Variants in ALPK2 observed in about 807,000 individuals in gnomAD.
The protein encoded by ALPK2 is alpha-protein kinase 2.
A neutral mutation model predicts 163.1 loss-of-function variants in ALPK2; 127 were observed. The ratio of observed to expected loss-of-function variants is 0.78; its 90% CI spans 0.67 to 0.90. ALPK2 has a LOEUF of 0.90. Ranked by LOEUF, ALPK2 falls within the 40% of genes least tolerant of loss-of-function variation. ALPK2 has a pLI of 0.00. For synonymous variants in ALPK2, 953 were observed against 959.1 expected, an observed-to-expected ratio of 0.99 and a Z score of 0.12; for missense variants, 2,360 against 2,589.6, an observed-to-expected ratio of 0.91 and a Z score of 1.92.
In ALPK2 at chr18:58,579,529, C is replaced by A. The variant is rs2051943816; in HGVS notation, c.1247G>T (p.Arg416Ile). The change falls in exon 4 of 13, where the codon AGA becomes ATA. Residue 416 changes from arginine to isoleucine, a missense_variant. By Grantham distance (97) the Arg-to-Ile change is moderately conservative (BLOSUM62 -3). Coordinates refer to ENST00000361673, the MANE Select transcript of ALPK2 (RefSeq NM_052947.4). The stretch of plus-strand genomic sequence containing the variant: ...GGATGAGGGACCGTGCTTGGAGACT[C>A]TGCTGCTCCTCACCCCAACTTCTTG... Reference protein sequence around the residue: ...QPQEVGVRSSRVSKHGPSSPQ... With the variant: ...QPQEVGVRSSIVSKHGPSSPQ... The A allele has an allele frequency of 6.2e-7, 1 of 1,613,704 alleles. No individual in the cohort carries two copies. The highest frequency in any genetic ancestry group is 1.7e-5 in the Admixed American group (1 of 59,984).
intron 1 of ALPK2, among the ~76,000 whole-genome samples, chr18:58,615,963 A>T (rs1184687886): frequency 6.6e-6 from 1 of 152,226 alleles, no homozygotes; most frequent in Non-Finnish European, 1.5e-5. Context: ...TGTACTCTGG[A>T]GAGGAAAAGG....
At chr18:58,620,071 G>A (rs987624935) in intron 1 of ALPK2, among the ~76,000 whole-genome samples, 3 of 152,250 alleles carry the variant, frequency 2.0e-5, no homozygotes, top group Non-Finnish European at 2.9e-5. Context: ...TGGGCAGATC[G>A]CCTGAGGTCA....
At chr18:58,596,552 C>A (rs908799654) in intron 3 of ALPK2, among the ~76,000 whole-genome samples, 2 of 152,226 alleles carry the variant, frequency 1.3e-5, no homozygotes, top group Admixed American at 1.3e-4. Flanking sequence ...TGACACCCTG[C>A]AGTTCAAATG....
At chr18:58,560,007 G>C (rs190799005) in intron 4 of ALPK2, among the ~76,000 whole-genome samples, 1 of 152,272 alleles carries the variant, frequency 6.6e-6, no homozygotes, top group East Asian at 1.9e-4. Context: ...CTACAATTAA[G>C]GTGTCAGGAG....
chr18:58,531,932 T>C (rs1287933316), intron 5 of ALPK2, among the ~76,000 whole-genome samples: 1 of 21,710 alleles, frequency 4.6e-5, no homozygotes, highest in Non-Finnish European at 8.7e-5. Flanking sequence ...CAAGGCTCCG[T>C]CTCAAAAAAA....
In ALPK2 at chr18:58,504,020, C is replaced by T. The variant is rs2051447326; in HGVS notation, c.6158G>A (p.Arg2053Lys). Residue 2053 changes from arginine (R) to lysine (K), a missense_variant, in exon 11 of 13, where the codon AGA becomes AAA. Coordinates refer to ENST00000361673, the MANE Select transcript of ALPK2 (RefSeq NM_052947.4). ...ACATTTCTGACCAGCTTCTGATTCT[C>T]TTCTCAAGAAGTTTATTTCTTTCCC... The part of the protein sequence containing the change: ...RDGKEINFLR[R>K]ESEAGQKCCT... The T allele has an allele frequency of 6.2e-7, 1 of 1,614,226 alleles. No individual in the cohort carries two copies. The highest frequency in any genetic ancestry group is 1.3e-5 in the African/African-American group (1 of 75,058).
intron 4 of ALPK2, among the ~76,000 whole-genome samples, chr18:58,573,226 G>GTATATATGTATATATGTATATATGTA (rs1346732511): frequency 7.2e-6 from 1 of 139,466 alleles, no homozygotes; most frequent in Non-Finnish European, 1.5e-5. Context: ...ATATATATGT[G>GTATATATGTATATATGTATATATGTA]TATATGTGTG....
chr18:58,596,789 T>C (rs141829015), intron 3 of ALPK2, among the ~76,000 whole-genome samples: 1 of 152,206 alleles, frequency 6.6e-6, no homozygotes, highest in East Asian at 1.9e-4. Flanking sequence ...AACCCCTGGA[T>C]GCGTTGTGTT....
intron 4 of ALPK2, among the ~76,000 whole-genome samples, chr18:58,551,955 T>C (rs1386358397): frequency 2.0e-5 from 3 of 152,144 alleles, no homozygotes; most frequent in Non-Finnish European, 2.9e-5. Context: ...GTTCCTTAAG[T>C]TTATGGTCAG....
rs1380281872 is a variant in ALPK2, at chr18:58,503,990, G to T, written c.6188C>A (p.Thr2063Asn). ...RESEAGQKCC[T>N]FQHWVYQKTS... ...TTTCTGGTACACCCAGTGCTGGAAG[G>T]TGCAACATTTCTGACCAGCTTCTGA... Residue 2063 changes from threonine to asparagine, a missense_variant, in exon 11 of 13, where the codon ACC becomes AAC. Coordinates refer to ENST00000361673, the MANE Select transcript of ALPK2 (RefSeq NM_052947.4). 1.9e-6 allele frequency: 3 copies of T among 1,614,072 alleles called. No homozygotes were observed. The African/African-American group carries it at 4.0e-5, about 22-fold the overall frequency.
In ALPK2 at chr18:58,534,921, T is replaced by G; in HGVS notation, c.5266A>C (p.Lys1756Gln). Residue 1756 changes from lysine to glutamine, a missense_variant, in exon 5 of 13, where the codon AAA becomes CAA. Coordinates refer to ENST00000361673, the MANE Select transcript of ALPK2 (RefSeq NM_052947.4). ...ENIRKNSAFL[K>Q]KMPKLETSLS... ...GATGTTTCGAGTTTGGGCATCTTTT[T>G]AAGAAAGGCTGAGTTCTTTCTGATA... The G allele has an allele frequency of 6.2e-7, 1 of 1,614,204 alleles. No homozygotes were observed. The highest frequency in any genetic ancestry group is 1.1e-5 in the South Asian group (1 of 91,084).
chr18:58,603,597 C>T (rs1568098721), intron 3 of ALPK2, among the ~76,000 whole-genome samples: 1 of 152,188 alleles, frequency 6.6e-6, no homozygotes, highest in Non-Finnish European at 1.5e-5. Context: ...TGATTGCAAC[C>T]ATCAAAGGAG....
At chr18:58,510,022 A>G (rs1182957023) in intron 10 of ALPK2, among the ~76,000 whole-genome samples, 1 of 152,176 alleles carries the variant, frequency 6.6e-6, no homozygotes, top group Non-Finnish European at 1.5e-5. Context: ...TTTTAGGTCT[A>G]ACATTTAAGT....
At chr18:58,611,588 G>A (rs1346189711) in intron 2 of ALPK2, 101 bp downstream of exon 2, 8 of 1,051,266 alleles carry the variant, frequency 7.6e-6, no homozygotes, top group Middle Eastern at 2.0e-4. Flanking sequence ...AACTTCCAAG[G>A]TAATTTTCCC....
intron 4 of ALPK2, among the ~76,000 whole-genome samples, chr18:58,568,969 T>G (rs1405251332): frequency 6.6e-6 from 1 of 152,150 alleles, no homozygotes; most frequent in Non-Finnish European, 1.5e-5. Context: ...ATCCCAGCAC[T>G]TTGGGAGGCC....
In ALPK2 at chr18:58,516,992, A is replaced by G; in HGVS notation, c.5856T>C (p.Cys1952=). The G allele has an allele frequency of 1.2e-6, 2 of 1,614,248 alleles. No homozygotes were observed. The highest frequency in any genetic ancestry group is 1.7e-6 in the Non-Finnish European group (2 of 1,180,034). The change falls in exon 9 of 13, where the codon TGT becomes TGC. Residue 1952 remains cysteine, a synonymous_variant. Transcript: ENST00000361673. ...LMPVFKPGHA[C]VLKVHNAIAY... ...CAATGGCATTGTGCACCTTAAGCAC[A>G]CAGGCATGGCCAGGTTTGAAGACAG...
At position 58,535,751 on chromosome 18, in the gene ALPK2, G is replaced by C; in HGVS notation, c.4436C>G (p.Ala1479Gly). The C allele has an allele frequency of 6.2e-7, 1 of 1,614,154 alleles. No individual in the cohort carries two copies. Among genetic ancestry groups the C allele is most frequent in the South Asian group, 1.1e-5 (1 of 91,088 alleles). Residue 1479 changes from alanine (A) to glycine (G), a missense_variant, in exon 5 of 13, where the codon GCT becomes GGT. Coordinates refer to ENST00000361673, the MANE Select transcript of ALPK2 (RefSeq NM_052947.4). ...TGCCTCCTCAGGTTGAATTTGTTCAGCCTCCTGCTTCATACTGCCTTCTTG... is the reference window on the plus strand; with the variant it reads ...TGCCTCCTCAGGTTGAATTTGTTCACCCTCCTGCTTCATACTGCCTTCTTG... ...RSQEGSMKQE[A>G]EQIQPEEAKT...
At position 58,537,253 on chromosome 18, in the gene ALPK2, A is replaced by AT. The variant is rs1568078673; in HGVS notation, c.2933dup (p.Tyr978Ter). ...AADTTATPAS[Y>*]SSIVSFPWEK... ...CCCAAGGAAAACTCACAATTGAACT[A>AT]TAACTGGCTGGTGTGGCTGTGGTGT... The change falls in exon 5 of 13, where the codon TAT (tyrosine) becomes TAAT (stop). Residue 978 changes from tyrosine to a stop codon, truncating the protein, a stop_gained and frameshift_variant. Coordinates refer to ENST00000361673, the MANE Select transcript of ALPK2 (RefSeq NM_052947.4). LOFTEE classifies it high-confidence loss of function. 6.8e-6 allele frequency: 11 copies of AT among 1,614,204 alleles called. No homozygotes were observed. The highest frequency in any genetic ancestry group is 9.3e-6 in the Non-Finnish European group (11 of 1,180,018).
At chr18:58,600,027 C>CTTTTTTTTTT (rs1166291584) in intron 3 of ALPK2, among the ~76,000 whole-genome samples, 2 of 66,858 alleles carry the variant, frequency 3.0e-5, no homozygotes, top group East Asian at 5.4e-4. Context: ...ATGGGGATAT[C>CTTTTTTTTTT]TTTTTTTTTT....
Sources: allele counts gnomAD v4.1 joint callset (sites outside exome capture counted in the v4.1 genomes callset), GRCh38; gene constraint gnomAD v4.1.1; transcripts MANE v1.5; gene names NCBI Gene and HGNC (gene_info 2026-07-23, HGNC 2026-07-21).